Variants in LRRC27 observed in about 807,000 individuals in gnomAD.
LRRC27 encodes leucine rich repeat containing 27, also known as leucine-rich repeat-containing protein 27.
In LRRC27, 57 loss-of-function variants were observed where a neutral mutation model predicts 55.0. The ratio of observed to expected loss-of-function variants is 1.04; its 90% confidence interval spans 0.84 to 1.29. The LOEUF (loss-of-function observed/expected upper bound fraction) is 1.29. Among genes scored for constraint, LRRC27 ranks in the 50% most tolerant of loss-of-function variants. The pLI is 0.00. For missense variants in LRRC27, 721 were observed against 651.5 expected (o/e 1.11, Z -1.16); for synonymous variants, 278 against 251.9 (o/e 1.10, Z -0.98).
chr10:132,331,137 G>A (rs2066698130), upstream of LRRC27, among the ~76,000 whole-genome samples: 1 of 145,916 alleles, frequency 6.9e-6, no homozygotes, highest in African/African-American at 2.6e-5. Context: ...GGAGGCGGAG[G>A]TCGCAGTGGG....
intron 7 of LRRC27, chr10:132,353,147 C>T (rs1050737104): frequency 2.8e-5 from 40 of 1,438,442 alleles, no homozygotes; most frequent in East Asian, 2.3e-4. Context: ...CTTTGGCCAG[C>T]GGGGGCCCCC....
At chr10:132,366,322 C>T (rs1040598434) in intron 10 of LRRC27, 5 of 152,626 alleles carry the variant, frequency 3.3e-5, no homozygotes, top group African/African-American at 1.2e-4. Context: ...CATGGGGATC[C>T]AAGGCCTCCT....
intron 9 of LRRC27, among the ~76,000 whole-genome samples, chr10:132,364,843 C>CTTACACCCACGCTTACATCTACCTCCACG (rs1564855237): frequency 1.7e-5 from 2 of 115,380 alleles, no homozygotes; most frequent in African/African-American, 2.9e-5. Flanking sequence ...CACGCCCACA[C>CTTACACCCACGCTTACATCTACCTCCACG]CCTGGGGCCC....
At chr10:132,344,446 AT>A in intron 4 of LRRC27, 51 bp from the exon 5 acceptor site, 1 of 1,527,360 alleles carries the variant, frequency 6.5e-7, no homozygotes, top group Non-Finnish European at 8.9e-7. Flanking sequence ...CCTCATTTTC[AT>A]TTCAAGAATG....
At chr10:132,367,719 T>TA (rs2069130173) in intron 10 of LRRC27, among the ~76,000 whole-genome samples, 1 of 152,218 alleles carries the variant, frequency 6.6e-6, no homozygotes, top group Admixed American at 6.5e-5. Context: ...CTCAACTTGT[T>TA]AAAGAACATC....
At chr10:132,371,446 G>A (rs1439462738) in intron 10 of LRRC27, among the ~76,000 whole-genome samples, 2 of 152,196 alleles carry the variant, frequency 1.3e-5, no homozygotes, top group Non-Finnish European at 2.9e-5. Flanking sequence ...AGGTCAACGC[G>A]GCCCATTCTG....
Position 132,348,385 on chromosome 10 carries a change from C to T in LRRC27, c.926+29C>T, listed in dbSNP as rs768126644. On this transcript the variant is annotated intron_variant, in intron 6 of 10. Transcript: ENST00000368614. The surrounding 1 kb of genome is among the most constrained non-coding windows in gnomAD (Gnocchi z 4.2). ...AAACTGAAAAGCAACGGGGGATTTT[C>T]TTGATCTTTGCGAATTTATACAGTT... 17 of 1,591,328 alleles carry T rather than the reference C, an allele frequency of 1.1e-5. No homozygotes were observed. In the Admixed American group the frequency reaches 1.8e-4, roughly 17 times the overall value.
intron 10 of LRRC27, among the ~76,000 whole-genome samples, chr10:132,371,532 C>G (rs927396707): frequency 6.6e-6 from 1 of 152,210 alleles, no homozygotes; most frequent in African/African-American, 2.4e-5. Flanking sequence ...CTTCACTCCT[C>G]AGGATGAGGA....
At chr10:132,351,979 G>A (rs1270536516) in intron 7 of LRRC27, among the ~76,000 whole-genome samples, 3 of 151,648 alleles carry the variant, frequency 2.0e-5, no homozygotes, top group Non-Finnish European at 2.9e-5. Flanking sequence ...TGAGGCCTCC[G>A]TGTGGGGCAG....
In LRRC27 at chr10:132,375,470, G is replaced by A. The variant is rs542103464; in HGVS notation, c.*228G>A. On this transcript the variant is annotated 3_prime_UTR_variant, in exon 11 of 11. Transcript: ENST00000368614. The stretch of plus-strand genomic sequence containing the variant: ...AAGGACACTGTGAGCACGTGGTCTC[G>A]CCTTCCCTTCTTCCTGCAGGTTCCC... 197 of 450,560 alleles carry A rather than the reference G, an allele frequency of 4.4e-4. 1 individual carries two copies. The highest frequency in any genetic ancestry group is 3.7e-3 in the South Asian group (109 of 29,524). The allele number at this position is 450,560 out of a possible 1,614,324, so 27.9% of individuals were successfully genotyped here.
At chr10:132,351,539 A>T (rs2068009605) in intron 6 of LRRC27, 68 bp from the exon 7 acceptor site, 1 of 1,546,792 alleles carries the variant, frequency 6.5e-7, no homozygotes, top group Non-Finnish European at 8.8e-7. Flanking sequence ...TTTACATTTC[A>T]CATGTTGTAT....
At chr10:132,350,103 C>T (rs534956966) in intron 6 of LRRC27, among the ~76,000 whole-genome samples, 60 of 152,288 alleles carry the variant, frequency 3.9e-4, no homozygotes, top group Non-Finnish European at 7.9e-4. Flanking sequence ...GCAGCAGGCC[C>T]GGTCCAAGGT....
chr10:132,348,031 G>C lies in LRRC27; in HGVS notation c.601G>C (p.Gly201Arg). Residue 201 changes from glycine (G) to arginine (R), a missense_variant, in exon 6 of 11, where the codon GGA becomes CGA. By Grantham distance (125) the Gly-to-Arg change is moderately radical (BLOSUM62 -2). Coordinates refer to ENST00000368614, the MANE Select transcript of LRRC27 (RefSeq NM_030626.3). The surrounding 1 kb of genome is among the most constrained non-coding windows in gnomAD (Gnocchi z 4.2). ...EMTLRDLPSP[G>R]LELSGDHASN... ...GACCCTCCGTGACCTCCCGAGCCCA[G>C]GACTGGAGTTGTCTGGAGACCACGC... is the stretch of plus-strand genomic sequence containing the variant. The C allele has an allele frequency of 1.9e-6, 3 of 1,613,494 alleles. No individual in the cohort carries two copies. The highest frequency in any genetic ancestry group is 2.5e-6 in the Non-Finnish European group (3 of 1,179,950).
chr10:132,351,624 C>T lies in LRRC27; in HGVS notation c.944C>T (p.Ser315Phe). The change falls in exon 7 of 11, where the codon TCC (serine) becomes TTC (phenylalanine). Residue 315 changes from serine to phenylalanine, a missense_variant. Coordinates refer to ENST00000368614, the MANE Select transcript of LRRC27 (RefSeq NM_030626.3). ...AATTTTAGAAGGAAGACAGCCTCCT[C>T]CAGGAGCATCTTACCCGACCTCTTG... is the stretch of plus-strand genomic sequence containing the variant. ...RHVFRRKTAS[S>F]RSILPDLLSP... 2 of 1,613,870 alleles carry T rather than the reference C, an allele frequency of 1.2e-6. No homozygotes were observed. The highest frequency in any genetic ancestry group is 1.7e-6 in the Non-Finnish European group (2 of 1,179,922).
chr10:132,352,290 G>C (rs1325244549), intron 7 of LRRC27, among the ~76,000 whole-genome samples: 6 of 41,978 alleles, frequency 1.4e-4, no homozygotes, highest in East Asian at 1.6e-3. Context: ...CGAGGCCTCC[G>C]GGTGGGGCAG....
At chr10:132,333,171 C>T (rs2066903142) in intron 1 of LRRC27, among the ~76,000 whole-genome samples, 1 of 152,214 alleles carries the variant, frequency 6.6e-6, no homozygotes, top group Non-Finnish European at 1.5e-5. Context: ...AGTTGATTTA[C>T]AGGCTTTGAA....
At chr10:132,365,180 C>T (rs1310594229) in intron 9 of LRRC27, among the ~76,000 whole-genome samples, 1 of 152,208 alleles carries the variant, frequency 6.6e-6, no homozygotes, top group Non-Finnish European at 1.5e-5. Flanking sequence ...GTTCTGGCAG[C>T]TTCTGAACTA....
In LRRC27 at chr10:132,352,897, T is replaced by A. The variant is rs760275988; in HGVS notation, c.1073+1144T>A. 1.9e-5 allele frequency: 31 copies of A among 1,613,882 alleles called. No homozygotes were observed. In the Admixed American group the frequency reaches 3.8e-4, roughly 20 times the overall value. Reference sequence around the variant, plus strand: ...TCTTCCTCAGTCCTTTCCTCCTCATTTTCCCTAGAGTATTCCAGGCCCTGA... The same window carrying A: ...TCTTCCTCAGTCCTTTCCTCCTCATATTCCCTAGAGTATTCCAGGCCCTGA... On this transcript the variant is annotated intron_variant, in intron 7 of 10. Coordinates refer to ENST00000368614, the MANE Select transcript of LRRC27 (RefSeq NM_030626.3).
chr10:132,347,567 G>A (rs545063009), intron 5 of LRRC27, among the ~76,000 whole-genome samples: 1 of 151,642 alleles, frequency 6.6e-6, no homozygotes, highest in Non-Finnish European at 1.5e-5. Context: ...TGAGAGTCAG[G>A]TGTGCTCGGT....
Sources: gnomAD v4.1 joint callset for allele counts (sites outside exome capture counted in the v4.1 genomes callset) on GRCh38, gnomAD v4.1.1 for gene constraint, Gnocchi (gnomAD v3.1) non-coding constraint, MANE v1.5 for transcripts, NCBI Gene and HGNC (gene_info 2026-07-23, HGNC 2026-07-21) for gene names.